Variants in GLB1 observed in about 807,000 individuals in gnomAD.
GLB1 encodes beta-galactosidase.
Under a neutral mutation model 74.0 loss-of-function variants are expected in GLB1, and 56 were observed. That is an observed-to-expected ratio of 0.76 (90% confidence interval 0.61 to 0.94). The LOEUF (loss-of-function observed/expected upper bound fraction) is 0.94, where lower values mean the gene tolerates loss of function less well. Among genes scored for constraint, GLB1 ranks in the 40% least tolerant of loss-of-function variants. The pLI, the probability that GLB1 is intolerant of heterozygous loss-of-function variation, is 0.00. For missense variants in GLB1, 787 were observed against 845.5 expected, an observed-to-expected ratio of 0.93 and a Z score of 0.86; for synonymous variants, 323 against 323.6, an observed-to-expected ratio of 1.00 and a Z score of 0.02.
intron 11 of GLB1, 144 bp downstream of exon 11, chr3:33,024,106 TA>T: frequency 1.1e-6 from 1 of 884,176 alleles, no homozygotes; most frequent in Non-Finnish European, 1.7e-6. Context: ...AAACATCATT[TA>T]CCCCATTAGG....
At chr3:32,988,815 T>C in the GLB1 span, among the ~76,000 whole-genome samples, 1 of 151,842 alleles carries the variant, frequency 6.6e-6, no homozygotes, top group Non-Finnish European at 1.5e-5. Flanking sequence ...TAGATAAAAC[T>C]AGTCCTCCAC....
chr3:33,087,544 C>G (rs1700556673), intron 1 of GLB1, among the ~76,000 whole-genome samples: 1 of 151,074 alleles, frequency 6.6e-6, no homozygotes, highest in Non-Finnish European at 1.5e-5. Context: ...CACTCCAGCC[C>G]CGGCGACAGA....
At chr3:33,096,257 C>T in intron 1 of GLB1, 1 of 413,452 alleles carries the variant, frequency 2.4e-6, no homozygotes, top group Non-Finnish European at 3.3e-6. Flanking sequence ...CTTTGGAGCC[C>T]CTCAGCCAGT....
intron 1 of GLB1, among the ~76,000 whole-genome samples, chr3:33,088,099 T>C (rs936822368): frequency 6.6e-6 from 1 of 151,396 alleles, no homozygotes; most frequent in African/African-American, 2.4e-5. Flanking sequence ...AAATGCAAAA[T>C]AGAAGAAAAC....
At chr3:33,067,472 G>A (rs1305216814) in intron 4 of GLB1, among the ~76,000 whole-genome samples, 1 of 64,796 alleles carries the variant, frequency 1.5e-5, no homozygotes, top group African/African-American at 5.3e-5. Context: ...ATAGAGATAG[G>A]GTCTCGCTAT....
chr3:33,026,959 C>T (rs1338179263), intron 10 of GLB1, among the ~76,000 whole-genome samples: 3 of 152,206 alleles, frequency 2.0e-5, no homozygotes, highest in Non-Finnish European at 4.4e-5. Context: ...GGATGTAGGA[C>T]AAGAACTCAA....
chr3:33,025,934 G>A (rs1697728820), intron 10 of GLB1, among the ~76,000 whole-genome samples: 1 of 152,224 alleles, frequency 6.6e-6, no homozygotes, highest in Non-Finnish European at 1.5e-5. Flanking sequence ...GCTGTGGAAA[G>A]GGTGCAGCAG....
chr3:33,022,160 AGT>A (rs1697516143), intron 11 of GLB1, among the ~76,000 whole-genome samples: 1 of 152,166 alleles, frequency 6.6e-6, no homozygotes, highest in Non-Finnish European at 1.5e-5. Flanking sequence ...ATCACTTTTC[AGT>A]TGCTCATCTT....
intron 1 of GLB1, chr3:33,090,287 G>T: frequency 1.7e-6 from 1 of 582,382 alleles, no homozygotes. Flanking sequence ...AAAGAGTACA[G>T]GTGGGGCAGG....
chr3:33,094,285 G>A, intron 1 of GLB1: 26 of 1,512,440 alleles, frequency 1.7e-5, no homozygotes, highest in Non-Finnish European at 2.3e-5. Flanking sequence ...CCAAGGAGAG[G>A]TTTCCAGGTC....
chr3:32,983,390 C>T, the GLB1 span, among the ~76,000 whole-genome samples: 2 of 152,132 alleles, frequency 1.3e-5, no homozygotes, highest in African/African-American at 4.8e-5. Flanking sequence ...AATTCCCAAA[C>T]CCATATGTTG....
At chr3:33,064,776 C>CAAAAAAA (rs36181668) in intron 5 of GLB1, among the ~76,000 whole-genome samples, 1,062 of 64,470 alleles carry the variant, frequency 0.016, 89 homozygotes, top group African/African-American at 0.054. Flanking sequence ...GACTCTCTCT[C>CAAAAAAA]AAAAAAAAAA....
intron 2 of GLB1, among the ~76,000 whole-genome samples, chr3:33,070,614 C>T (rs1699855970): frequency 6.6e-6 from 1 of 152,146 alleles, no homozygotes; most frequent in Non-Finnish European, 1.5e-5. Flanking sequence ...GAGGCCAAAG[C>T]AGTAGGATCG....
chr3:33,051,516 G>C (rs919215730), intron 9 of GLB1, among the ~76,000 whole-genome samples: 2 of 147,258 alleles, frequency 1.4e-5, no homozygotes, highest in Non-Finnish European at 3.0e-5. Flanking sequence ...GAGGCAGGAG[G>C]ATCCCTTGAA....
intron 10 of GLB1, among the ~76,000 whole-genome samples, chr3:33,043,654 CAGTTA>C (rs1698594152): frequency 1.4e-5 from 2 of 138,430 alleles, no homozygotes; most frequent in South Asian, 2.4e-4. Context: ...ATAAATATAT[CAGTTA>C]AAAGACAAGA....
At chr3:33,063,415 G>C (rs931915691) in intron 5 of GLB1, among the ~76,000 whole-genome samples, 3 of 151,206 alleles carry the variant, frequency 2.0e-5, no homozygotes, top group Non-Finnish European at 4.4e-5. Context: ...TCAAGCATGT[G>C]GAGATGGGAA....
chr3:33,074,523 C>A (rs1395760401), intron 1 of GLB1, among the ~76,000 whole-genome samples: 1 of 151,352 alleles, frequency 6.6e-6, no homozygotes, highest in Non-Finnish European at 1.5e-5. Flanking sequence ...TTCTACCAAG[C>A]ACGATTTTAA....
the GLB1 span, among the ~76,000 whole-genome samples, chr3:32,978,677 G>C: frequency 0.012 from 1,807 of 152,232 alleles, 36 homozygotes; most frequent in African/African-American, 0.041. Flanking sequence ...GGTGGTGAGA[G>C]GGAAGGGAAA....
intron 15 of GLB1, among the ~76,000 whole-genome samples, chr3:33,013,836 A>T (rs1420536558): frequency 6.6e-6 from 1 of 152,134 alleles, no homozygotes; most frequent in African/African-American, 2.4e-5. Flanking sequence ...GGTGTCATTC[A>T]CTACAGGAAG....
Sources: gnomAD v4.1 joint callset for allele counts (sites outside exome capture counted in the v4.1 genomes callset) on GRCh38, gnomAD v4.1.1 for gene constraint, MANE v1.5 for transcripts, NCBI Gene and HGNC (gene_info 2026-07-23, HGNC 2026-07-21) for gene names.